Variants in MYCBP2 observed in about 807,000 individuals in gnomAD.
MYCBP2 encodes MYC binding protein 2.
MYCBP2 carries 120 observed loss-of-function variants against 525.3 expected under a neutral mutation model. That is an observed-to-expected ratio of 0.23 (90% CI 0.20 to 0.27). The LOEUF (loss-of-function observed/expected upper bound fraction) is 0.27. Among genes scored for constraint, MYCBP2 ranks in the 10% least tolerant of loss-of-function variants. MYCBP2 has a pLI of 1.00. For missense variants in MYCBP2, 4,149 were observed against 5,657.1 expected (o/e 0.73, Z 8.55); for synonymous variants, 1,894 against 1,955.8 (o/e 0.97, Z 0.83).
Position 77,088,895 on chromosome 13 carries a change from T to A in MYCBP2, c.10662A>T (p.Glu3554Asp). Reference protein sequence around the residue: ...LAFVIQHHDLEGLEIAMKQAL... With the variant: ...LAFVIQHHDLDGLEIAMKQAL... ...CCTGTTTCATTGCTATTTCAAGACC[T>A]TCTAGATCATGATGTTGTATAACAA... Residue 3554 changes from glutamate to aspartate, a missense_variant, in exon 61 of 83, where the codon GAA becomes GAT. Transcript: ENST00000544440. The A allele has an allele frequency of 6.8e-6, 11 of 1,613,384 alleles. No individual in the cohort carries two copies. The highest frequency in any genetic ancestry group is 9.3e-6 in the Non-Finnish European group (11 of 1,179,552).
chr13:77,049,525 TAG>T (rs930270900), intron 82 of MYCBP2, among the ~76,000 whole-genome samples: 5 of 152,222 alleles, frequency 3.3e-5, no homozygotes, highest in Admixed American at 6.5e-5. Context: ...AGTTAATCAA[TAG>T]TATTAGTTTC....
chr13:77,125,082 A>G (rs1409118890), intron 54 of MYCBP2, among the ~76,000 whole-genome samples: 3 of 152,212 alleles, frequency 2.0e-5, no homozygotes, highest in African/African-American at 7.2e-5. Context: ...TATATTAATG[A>G]AATTAAAAGC....
At chr13:77,238,772 T>C (rs1206227980) in intron 17 of MYCBP2, among the ~76,000 whole-genome samples, 3 of 152,214 alleles carry the variant, frequency 2.0e-5, no homozygotes, top group Admixed American at 1.3e-4. Flanking sequence ...AGACCTGGTG[T>C]CATAAAACAG....
chr13:77,074,388 T>C (rs1414927581), intron 68 of MYCBP2, among the ~76,000 whole-genome samples: 5 of 152,178 alleles, frequency 3.3e-5, no homozygotes, highest in Non-Finnish European at 7.3e-5. Flanking sequence ...AGAATATCTG[T>C]GTGACCTTGG....
chr13:77,268,806 A>C (rs2154343225), intron 7 of MYCBP2, among the ~76,000 whole-genome samples: 1 of 152,290 alleles, frequency 6.6e-6, no homozygotes, highest in South Asian at 2.1e-4. Flanking sequence ...TTTAATTTCA[A>C]ATTCTCCCCA....
chr13:77,126,457 G>A lies in MYCBP2; in HGVS notation c.7745C>T (p.Pro2582Leu). The stretch of plus-strand genomic sequence containing the variant: ...CATGCCTGGCCCTCCTCGCAAGAAT[G>A]GCATATCTTGTTCTTGCATTGTTGC... ...QEATMQEQDM[P>L]FLRGGPGMYK... Residue 2582 changes from proline to leucine, a missense_variant, in exon 53 of 83, where the codon CCA (proline) becomes CTA (leucine). By Grantham distance (98) the Pro-to-Leu change is moderately conservative. This residue lies in a region of MYCBP2 where 692 missense variants were observed against 852.7 expected (regional missense o/e 0.81). Coordinates refer to ENST00000544440, the MANE Select transcript of MYCBP2 (RefSeq NM_015057.5). 6.2e-7 allele frequency: 1 copy of A among 1,613,950 alleles called. No individual in the cohort carries two copies. Among genetic ancestry groups the A allele is most frequent in the Non-Finnish European group, 8.5e-7 (1 of 1,179,856 alleles).
In MYCBP2 at chr13:77,102,219, A is replaced by G. The variant is rs778287081; in HGVS notation, c.8141-3206T>C. Among the ~76,000 whole-genome samples, 73 of 151,840 alleles carry G rather than the reference A, an allele frequency of 4.8e-4. 2 individuals carry two copies. Among genetic ancestry groups the G allele is most frequent in the Non-Finnish European group, 1.6e-4 (11 of 67,860 alleles). ...TATCACATGGCATGATATATAGCAT[A>G]TATCAGGTTACATGATACTATATGC... On this transcript the variant is annotated intron_variant, in intron 55 of 82. Coordinates refer to ENST00000544440, the MANE Select transcript of MYCBP2 (RefSeq NM_015057.5).
chr13:77,057,807 G>T (rs1438619373), intron 78 of MYCBP2, among the ~76,000 whole-genome samples: 4 of 142,756 alleles, frequency 2.8e-5, no homozygotes, highest in Non-Finnish European at 4.5e-5. Flanking sequence ...TCTGCCTAGT[G>T]ATATAAAAAA....
intron 35 of MYCBP2, 89 bp from the exon 36 acceptor site, chr13:77,176,717 A>T: frequency 9.3e-7 from 1 of 1,074,620 alleles, no homozygotes; most frequent in Non-Finnish European, 1.2e-6. Flanking sequence ...TATTTTTAAA[A>T]TTTATTTTCT....
rs930844767 is a variant in MYCBP2, at chr13:77,061,568, TC to T, written c.12903+93del. On this transcript the variant is annotated intron_variant, in intron 75 of 82. Coordinates refer to ENST00000544440, the MANE Select transcript of MYCBP2 (RefSeq NM_015057.5). ...TCAACCAAGGTCTTTGATTCCAAAG[TC>T]CACTTTTTCCCCCTACTACACAAAG... 295 of 1,397,704 alleles carry T rather than the reference TC, an allele frequency of 2.1e-4. 2 individuals are homozygous for T. In the Middle Eastern group the frequency reaches 2.2e-3, roughly 11 times the overall value. 86.6% of individuals were successfully genotyped at this position (1,397,704 alleles called of 1,614,324 possible).
chr13:77,317,637 A>G (rs976606562), intron 1 of MYCBP2, among the ~76,000 whole-genome samples: 5 of 152,072 alleles, frequency 3.3e-5, no homozygotes, highest in Non-Finnish European at 7.4e-5. Context: ...TGATTCTCCT[A>G]TTCTATAAAA....
At chr13:77,324,054 T>A (rs1303584376) in intron 1 of MYCBP2, among the ~76,000 whole-genome samples, 2 of 152,160 alleles carry the variant, frequency 1.3e-5, no homozygotes, top group African/African-American at 4.8e-5. Flanking sequence ...TATACTTGAA[T>A]ATCCTTCCCT....
chr13:77,242,711 C>T (rs1237314822), intron 17 of MYCBP2, among the ~76,000 whole-genome samples: 8 of 152,162 alleles, frequency 5.3e-5, no homozygotes, highest in Middle Eastern at 3.4e-3. Flanking sequence ...GTCCAAAGTC[C>T]GGGTGAAGGA....
intron 60 of MYCBP2, 110 bp from the exon 61 acceptor site, chr13:77,089,141 G>T: frequency 3.9e-6 from 3 of 770,834 alleles, no homozygotes; most frequent in Non-Finnish European, 5.8e-6. Context: ...TTTTGAACAT[G>T]ACACAAATCA....
At chr13:77,176,372 G>A (rs1224797144) in intron 36 of MYCBP2, 125 bp downstream of exon 36, 1 of 679,232 alleles carries the variant, frequency 1.5e-6, no homozygotes, top group Non-Finnish European at 2.2e-6. Flanking sequence ...AAATATTTAA[G>A]TACCATATAA....
Position 77,098,422 on chromosome 13 carries a change from G to T in MYCBP2, c.8732C>A (p.Ser2911Tyr). Residue 2911 changes from serine to tyrosine, a missense_variant, in exon 56 of 83, where the codon TCC becomes TAC. This residue lies in a region of MYCBP2 where 653 missense variants were observed against 744.7 expected (regional missense o/e 0.88). Coordinates refer to ENST00000544440, the MANE Select transcript of MYCBP2 (RefSeq NM_015057.5). ...PKSVPKDSTD[S>Y]PGSENRAPSP... The stretch of plus-strand genomic sequence containing the variant: ...GGGAGCTCTATTTTCAGATCCAGGG[G>T]AATCTGTAGAATCCTTTGGTACTGA... 1 of 1,613,634 alleles carries T rather than the reference G, an allele frequency of 6.2e-7. No homozygotes were observed. Among genetic ancestry groups the T allele is most frequent in the Non-Finnish European group, 8.5e-7 (1 of 1,179,790 alleles).
At chr13:77,224,272 A>C (rs557078868) in intron 20 of MYCBP2, among the ~76,000 whole-genome samples, 179 bp downstream of exon 20, 167 of 152,264 alleles carry the variant, frequency 1.1e-3, no homozygotes, top group African/African-American at 3.9e-3. Context: ...CTACAAAAGC[A>C]CTCAACCATA....
At chr13:77,074,260 C>A (rs1011826213) in intron 68 of MYCBP2, among the ~76,000 whole-genome samples, 11 of 152,064 alleles carry the variant, frequency 7.2e-5, no homozygotes, top group African/African-American at 2.7e-4. Context: ...CGTAGTAGAA[C>A]AATTGAACAT....
chr13:77,210,420 C>T (rs930678605), intron 23 of MYCBP2, among the ~76,000 whole-genome samples: 4 of 152,096 alleles, frequency 2.6e-5, no homozygotes, highest in African/African-American at 7.2e-5. Context: ...TCTCGATCTC[C>T]TGACCTCGTG....
Sources: gnomAD v4.1 joint callset for allele counts (sites outside exome capture counted in the v4.1 genomes callset) on GRCh38, gnomAD v4.1.1 for gene constraint, gnomAD v4.1.1 regional missense constraint, MANE v1.5 for transcripts, NCBI Gene and HGNC (gene_info 2026-07-23, HGNC 2026-07-21) for gene names.